The following ZNF480 variants were observed in gnomAD, a reference collection of about 807,000 sequenced individuals.
ZNF480 encodes zinc finger protein 480.
A neutral mutation model predicts 14.4 loss-of-function variants in ZNF480; 15 were observed. That is an observed-to-expected ratio of 1.04 (90% CI 0.70 to 1.60). ZNF480 has a LOEUF of 1.60. Among genes scored for constraint, ZNF480 ranks in the 40% most tolerant of loss-of-function variants. The pLI is 0.00. For synonymous variants in ZNF480, 218 were observed against 215.5 expected (o/e 1.01, Z -0.10); for missense variants, 593 against 629.7 (o/e 0.94, Z 0.62).
At chr19:52,308,519 C>G (rs1024157391) in intron 2 of ZNF480, 11 of 151,984 alleles carry the variant, frequency 7.2e-5, no homozygotes, top group African/African-American at 2.7e-4. Context: ...GTTGTCTAGG[C>G]TGGTCCTGAA....
Position 52,325,273 on chromosome 19 carries a change from A to G in ZNF480, c.*2415A>G, listed in dbSNP as rs183019840. On this transcript the variant is annotated 3_prime_UTR_variant, in exon 5 of 5. Coordinates refer to ENST00000595962, the MANE Select transcript of ZNF480 (RefSeq NM_144684.4). ...ATGGGTATTATTAAAAAATCAAAAC[A>G]TAGATGCTAGTGAGGCTGCAGAGAA... is the stretch of plus-strand genomic sequence containing the variant. 5.8e-4 allele frequency: 88 copies of G among 152,354 alleles called. No individual in the cohort carries two copies. The highest frequency in any genetic ancestry group is 3.4e-3 in the Middle Eastern group (1 of 294). The allele number at this position is 152,354 out of a possible 1,614,324, so 9.4% of individuals were successfully genotyped here. A position where few individuals can be genotyped will look rare whatever the true frequency, so the allele number is the denominator to read the frequency against.
At chr19:52,321,516 C>T (rs1268553701) in intron 4 of ZNF480, 63 bp from the exon 5 acceptor site, 2 of 1,390,144 alleles carry the variant, frequency 1.4e-6, no homozygotes, top group Non-Finnish European at 1.9e-6. Context: ...CTAGTATTTT[C>T]ATCAGACTCT....
In ZNF480 at chr19:52,322,471, A is replaced by G; in HGVS notation, c.1221A>G (p.Val407=). The change falls in exon 5 of 5, where the codon GTA becomes GTG. Residue 407 remains valine, a synonymous_variant. Coordinates refer to ENST00000595962, the MANE Select transcript of ZNF480 (RefSeq NM_144684.4). ...ACAAATGTAATGAATGTGGAAAAGT[A>G]TTTAATCAACTTTCAAATCTTGCAC... is the stretch of plus-strand genomic sequence containing the variant. The part of the protein sequence containing the change: ...KPYKCNECGK[V]FNQLSNLARH... The G allele has an allele frequency of 6.2e-7, 1 of 1,613,918 alleles. No homozygotes were observed. The highest frequency in any genetic ancestry group is 1.1e-5 in the South Asian group (1 of 91,080).
rs564633009 is a variant in ZNF480, at chr19:52,322,964, T to A, written c.*106T>A. On this transcript the variant is annotated 3_prime_UTR_variant, in exon 5 of 5. Transcript: ENST00000595962. The stretch of plus-strand genomic sequence containing the variant: ...AGAAATTTTGCAAATGTAAAGAATA[T>A]GACAAGGTCTTCAAACACAAGTTTT... The A allele has an allele frequency of 2.1e-6, 2 of 973,856 alleles. No individual in the cohort carries two copies. The highest frequency in any genetic ancestry group is 1.6e-5 in the African/African-American group (1 of 61,188). The allele number at this position is 973,856 out of a possible 1,614,324, so 60.3% of individuals were successfully genotyped here. A position where few individuals can be genotyped will look rare whatever the true frequency, so the allele number is the denominator to read the frequency against.
At chr19:52,303,337 A>G (rs986709500) in intron 2 of ZNF480, among the ~76,000 whole-genome samples, 1 of 152,236 alleles carries the variant, frequency 6.6e-6, no homozygotes, top group African/African-American at 2.4e-5. Context: ...GAAAGTGATT[A>G]TTAAGCACTC....
intron 2 of ZNF480, 50 bp from the exon 3 acceptor site, chr19:52,314,103 G>C (rs763280365): frequency 6.6e-7 from 1 of 1,514,558 alleles, no homozygotes; most frequent in Admixed American, 1.9e-5. Context: ...TTTGAGTGAA[G>C]ATTAATACCC....
intron 1 of ZNF480, among the ~76,000 whole-genome samples, chr19:52,299,452 G>GT (rs1457461540): frequency 6.6e-6 from 1 of 152,210 alleles, no homozygotes; most frequent in Non-Finnish European, 1.5e-5. Context: ...CGTGCTGGTT[G>GT]TAAGTTCCTG....
chr19:52,297,185 G>A lies in ZNF480; in HGVS notation c.-58G>A, dbSNP rs1464372602. ...TGCGCGCGCAGTTTCCCACAAACCC[G>A]GAAGCGGATCGCGTGGAGTGAAGGT... On this transcript the variant is annotated 5_prime_UTR_variant, in exon 1 of 5. Coordinates refer to ENST00000595962, the MANE Select transcript of ZNF480 (RefSeq NM_144684.4). 6 of 425,188 alleles carry A rather than the reference G, an allele frequency of 1.4e-5. 1 individual carries two copies. The highest frequency in any genetic ancestry group is 6.5e-5 in the African/African-American group (3 of 45,922). The allele number at this position is 425,188 out of a possible 1,614,324, so 26.3% of individuals were successfully genotyped here. A position where few individuals can be genotyped will look rare whatever the true frequency, so the allele number is the denominator to read the frequency against.
intron 4 of ZNF480, among the ~76,000 whole-genome samples, chr19:52,319,159 T>C (rs1983690319): frequency 6.6e-6 from 1 of 152,074 alleles, no homozygotes; most frequent in South Asian, 2.1e-4. Flanking sequence ...CCACCACACC[T>C]GGGTCATTTT....
intron 4 of ZNF480, among the ~76,000 whole-genome samples, chr19:52,319,157 C>T (rs751831780): frequency 6.6e-6 from 1 of 152,070 alleles, no homozygotes; most frequent in Non-Finnish European, 1.5e-5. Context: ...AGCCACCACA[C>T]CTGGGTCATT....
chr19:52,311,444 C>G (rs1172785974), intron 2 of ZNF480, among the ~76,000 whole-genome samples: 1 of 152,130 alleles, frequency 6.6e-6, no homozygotes, highest in Admixed American at 6.6e-5. Context: ...TCCCAAAGTG[C>G]TGGGATTACA....
At position 52,325,068 on chromosome 19, in the gene ZNF480, T is replaced by C. The variant is rs1984030052; in HGVS notation, c.*2210T>C. 1 of 151,852 alleles carries C rather than the reference T, an allele frequency of 6.6e-6. No homozygotes were observed. The highest frequency in any genetic ancestry group is 2.4e-5 in the African/African-American group (1 of 41,332). The allele number at this position is 151,852 out of a possible 1,614,324, so 9.4% of individuals were successfully genotyped here. ...ATAAAGAACTCAAACAAATCAACAA[T>C]GAGAAAAACAACCCCATTAAAAACT... On this transcript the variant is annotated 3_prime_UTR_variant, in exon 5 of 5. Coordinates refer to ENST00000595962, the MANE Select transcript of ZNF480 (RefSeq NM_144684.4).
intron 1 of ZNF480, among the ~76,000 whole-genome samples, chr19:52,298,361 A>G (rs1008348511): frequency 6.6e-5 from 10 of 152,166 alleles, no homozygotes; most frequent in Non-Finnish European, 1.5e-4. Context: ...GACCGGGCAC[A>G]GTGGCTCACG....
chr19:52,300,858 A>G (rs1462849469), intron 2 of ZNF480: 1 of 260,776 alleles, frequency 3.8e-6, no homozygotes, highest in Non-Finnish European at 7.5e-6. Context: ...CTTAGCAAGG[A>G]GTAGAGAAAC....
At position 52,324,610 on chromosome 19, in the gene ZNF480, G is replaced by C. The variant is rs893542511; in HGVS notation, c.*1752G>C. ...AAAAGACACATAGATCAATGGAATAGGTAAGAGAACCCAGAAATAAAGGCA... is the reference window on the plus strand; with the variant it reads ...AAAAGACACATAGATCAATGGAATACGTAAGAGAACCCAGAAATAAAGGCA... On this transcript the variant is annotated 3_prime_UTR_variant, in exon 5 of 5. Transcript: ENST00000595962. 3 of 152,084 alleles carry C rather than the reference G, an allele frequency of 2.0e-5. No homozygotes were observed. The highest frequency in any genetic ancestry group is 7.2e-5 in the African/African-American group (3 of 41,432). 9.4% of individuals were successfully genotyped at this position (152,084 alleles called of 1,614,324 possible). A position where few individuals can be genotyped will look rare whatever the true frequency, so the allele number is the denominator to read the frequency against.
intron 2 of ZNF480, 36 bp downstream of exon 2, chr19:52,300,520 T>C (rs1166900558): frequency 2.5e-6 from 4 of 1,606,830 alleles, no homozygotes; most frequent in Non-Finnish European, 3.4e-6. Context: ...TTCTGTCTCC[T>C]TTCTTTCAGA....
At chr19:52,320,967 A>G (rs1186787445) in intron 4 of ZNF480, among the ~76,000 whole-genome samples, 1 of 152,118 alleles carries the variant, frequency 6.6e-6, no homozygotes, top group Non-Finnish European at 1.5e-5. Context: ...ATAGAGTGAG[A>G]CCCTGTCTTA....
chr19:52,313,837 G>T, intron 2 of ZNF480: 2 of 433,470 alleles, frequency 4.6e-6, no homozygotes, highest in Non-Finnish European at 9.3e-6. Flanking sequence ...AAATTAGCCA[G>T]GTGTGATGGT....
Position 52,322,301 on chromosome 19 carries a change from G to A in ZNF480, c.1051G>A (p.Ala351Thr), listed in dbSNP as rs770263039. The change falls in exon 5 of 5, where the codon GCC becomes ACC. Residue 351 changes from alanine to threonine, a missense_variant. Coordinates refer to ENST00000595962, the MANE Select transcript of ZNF480 (RefSeq NM_144684.4). ...TTACAAATGTGATGAATGTGGCAAG[G>A]CCTTCTATAGGATTGCGCTCCTTGT... Reference protein sequence around the residue: ...KPYKCDECGKAFYRIALLVRH... With the variant: ...KPYKCDECGKTFYRIALLVRH... 1.9e-6 allele frequency: 3 copies of A among 1,613,916 alleles called. No homozygotes were observed. The highest frequency in any genetic ancestry group is 2.2e-5 in the South Asian group (2 of 91,076).
Sources: gnomAD v4.1 joint callset for allele counts (sites outside exome capture counted in the v4.1 genomes callset) on GRCh38, gnomAD v4.1.1 for gene constraint, MANE v1.5 for transcripts, NCBI Gene and HGNC (gene_info 2026-07-23, HGNC 2026-07-21) for gene names.